Variants in SYDE2 observed in about 807,000 individuals in gnomAD.
The protein encoded by SYDE2 is rho GTPase-activating protein SYDE2.
SYDE2 carries 76 observed loss-of-function variants against 91.5 expected under a neutral mutation model. The observed-to-expected ratio is 0.83, with a 90% CI of 0.69 to 1.01. SYDE2 has a LOEUF of 1.01. Among genes scored for constraint, SYDE2 ranks in the 50% least tolerant of loss-of-function variants. The probability of loss-of-function intolerance (pLI) is 0.00; values close to 1 mark genes in which losing one functional copy is unlikely to be tolerated. For synonymous variants in SYDE2, 513 were observed against 506.4 expected (o/e 1.01, Z -0.18); for missense variants, 1,364 against 1,367.7 (o/e 1.00, Z 0.04).
intron 1 of SYDE2, among the ~76,000 whole-genome samples, chr1:85,194,186 T>C (rs926182554): frequency 2.6e-5 from 4 of 151,536 alleles, no homozygotes; most frequent in Admixed American, 6.6e-5. Flanking sequence ...CTCACTTAAA[T>C]TAAATGGATC....
intron 1 of SYDE2, among the ~76,000 whole-genome samples, chr1:85,195,693 GAATA>G (rs1030395847): frequency 1.4e-4 from 21 of 152,198 alleles, no homozygotes; most frequent in African/African-American, 4.8e-4. Context: ...AAGATGAGCA[GAATA>G]AATAAATACC....
intron 1 of SYDE2, among the ~76,000 whole-genome samples, chr1:85,197,505 T>G (rs1658632759): frequency 6.6e-6 from 1 of 152,182 alleles, no homozygotes; most frequent in African/African-American, 2.4e-5. Context: ...TAAACAAGAA[T>G]GTACTGGTTC....
chr1:85,158,678 G>A lies in SYDE2; in HGVS notation c.*72C>T, dbSNP rs1339621302. 1 of 616,430 alleles carries A rather than the reference G, an allele frequency of 1.6e-6. No individual in the cohort carries two copies. The highest frequency in any genetic ancestry group is 2.9e-6 in the Non-Finnish European group (1 of 344,564). 38.2% of individuals were successfully genotyped at this position (616,430 alleles called of 1,614,324 possible). ...AGAGTAAAAAAATGAAAACATCGCT[G>A]TGGGTGGTATAAGAAAATAAAACAA... is the stretch of plus-strand genomic sequence containing the variant. On this transcript the variant is annotated 3_prime_UTR_variant, in exon 7 of 7. Coordinates refer to ENST00000341460, the MANE Select transcript of SYDE2 (RefSeq NM_032184.2).
chr1:85,176,458 G>A (rs1657702597), intron 4 of SYDE2, among the ~76,000 whole-genome samples: 1 of 152,140 alleles, frequency 6.6e-6, no homozygotes, highest in African/African-American at 2.4e-5. Context: ...AGCACTCAAA[G>A]GGTGGGAAGC....
rs767854992 is a variant in SYDE2 at position 85,190,100 on chromosome 1, A to G, written c.1398T>C (p.Gly466=). 2 of 1,613,772 alleles carry G rather than the reference A, an allele frequency of 1.2e-6. No homozygotes were observed. Among genetic ancestry groups the G allele is most frequent in the East Asian group, 4.5e-5 (2 of 44,886 alleles). ...KQKLGHKTQE[G]IMVEDSPMLK... ...ACATGGGACTGTCCTCCACCATTATACCTTCTTGTGTCTTGTGTCCTAGCT... is the reference window on the plus strand; with the variant it reads ...ACATGGGACTGTCCTCCACCATTATGCCTTCTTGTGTCTTGTGTCCTAGCT... Residue 466 remains glycine (G), a synonymous_variant, in exon 2 of 7, where the codon GGT becomes GGC. Transcript: ENST00000341460.
chr1:85,194,859 C>G (rs1357719058), intron 1 of SYDE2: 2 of 985,160 alleles, frequency 2.0e-6, no homozygotes, highest in Non-Finnish European at 2.4e-6. Flanking sequence ...TTTCAACCCT[C>G]ATTGAAAATC....
chr1:85,169,172 G>A lies in SYDE2; in HGVS notation c.2725C>T (p.Leu909Phe). ...ATTGCATCTAATACAGCCTCATAAA[G>A]CTGCTTTGTTATCAGAGGAGAAGGG... is the stretch of plus-strand genomic sequence containing the variant. ...ELPSPLITKQ[L>F]YEAVLDAMAK... Residue 909 changes from leucine (L) to phenylalanine (F), a missense_variant, in exon 5 of 7, where the codon CTT becomes TTT. Coordinates refer to ENST00000341460, the MANE Select transcript of SYDE2 (RefSeq NM_032184.2). 1 of 1,613,836 alleles carries A rather than the reference G, an allele frequency of 6.2e-7. No individual in the cohort carries two copies. Among genetic ancestry groups the A allele is most frequent in the Non-Finnish European group, 8.5e-7 (1 of 1,179,814 alleles).
chr1:85,200,565 A>T lies in SYDE2; in HGVS notation c.432T>A (p.Pro144=). 1 of 1,603,128 alleles carries T rather than the reference A, an allele frequency of 6.2e-7. No homozygotes were observed. The highest frequency in any genetic ancestry group is 8.5e-7 in the Non-Finnish European group (1 of 1,176,516). Residue 144 remains proline, a synonymous_variant, in exon 1 of 7, where the codon CCT becomes CCA. Transcript: ENST00000341460. The stretch of plus-strand genomic sequence containing the variant: ...AGCAGCCGTGGTCCTTGCAGCCTGG[A>T]GGCTGGAGGCCGGTGGGTGCAGCCG... The part of the protein sequence containing the change: ...ARAAAPTGLQ[P]PGCKDHGCSS...
chr1:85,185,275 T>A (rs1180592300), intron 2 of SYDE2, among the ~76,000 whole-genome samples: 3 of 148,472 alleles, frequency 2.0e-5, no homozygotes, highest in Admixed American at 2.0e-4. Flanking sequence ...ATTATATATT[T>A]ATGAGAAGAA....
chr1:85,178,360 A>G lies in SYDE2; in HGVS notation c.2545-88T>C, dbSNP rs141850921. Reference sequence around the variant, plus strand: ...TAGATCACATGAACTTTGCAATCAAATATGTTCTGATGTCATTTAATTTTA... The same window carrying G: ...TAGATCACATGAACTTTGCAATCAAGTATGTTCTGATGTCATTTAATTTTA... On this transcript the variant is annotated intron_variant, in intron 3 of 6. Coordinates refer to ENST00000341460, the MANE Select transcript of SYDE2 (RefSeq NM_032184.2). The G allele has an allele frequency of 2.7e-4, 315 of 1,184,242 alleles. 2 individuals are homozygous for G. The African/African-American group carries it at 4.1e-3, about 15-fold the overall frequency. 73.4% of individuals were successfully genotyped at this position (1,184,242 alleles called of 1,614,324 possible). A position where few individuals can be genotyped will look rare whatever the true frequency, so the allele number is the denominator to read the frequency against.
chr1:85,169,127 T>A lies in SYDE2; in HGVS notation c.2770A>T (p.Met924Leu), dbSNP rs774443236. 1.9e-6 allele frequency: 3 copies of A among 1,613,762 alleles called. No individual in the cohort carries two copies. In the East Asian group the frequency reaches 6.7e-5, roughly 36 times the overall value. Residue 924 changes from methionine (M) to leucine (L), a missense_variant, in exon 5 of 7, where the codon ATG becomes TTG. Met to Leu is a conservative substitution (Grantham distance 15). Transcript: ENST00000341460. Reference sequence around the variant, plus strand: ...TCATTCTCACAACCATTTGATGACATTTTCAAAGGACTTTTTGCCATTGCA... The same window carrying A: ...TCATTCTCACAACCATTTGATGACAATTTCAAAGGACTTTTTGCCATTGCA... ...LDAMAKSPLK[M>L]SSNGCENDPG...
Position 85,180,886 on chromosome 1 carries a change from C to T in SYDE2, c.2544+1212G>A, listed in dbSNP as rs111239069. On this transcript the variant is annotated intron_variant, in intron 3 of 6. Transcript: ENST00000341460. Reference sequence around the variant, plus strand: ...TTTGTTTAATAATTAGCTTTTAAGTCTGCATAATTTCTGAACTCTACCCTC... The same window carrying T: ...TTTGTTTAATAATTAGCTTTTAAGTTTGCATAATTTCTGAACTCTACCCTC... Among the ~76,000 whole-genome samples, 1,134 of 152,042 alleles carry T rather than the reference C, an allele frequency of 7.5e-3. 4 individuals carry two copies. Among genetic ancestry groups the T allele is most frequent in the Admixed American group, 0.016 (242 of 15,282 alleles).
At chr1:85,194,684 A>G in intron 1 of SYDE2, 3 of 302,838 alleles carry the variant, frequency 9.9e-6, no homozygotes, top group Non-Finnish European at 1.5e-5. Context: ...AGAAATGGCA[A>G]TTAAAAGTTT....
Position 85,182,892 on chromosome 1 carries a change from C to T in SYDE2, c.1750G>A (p.Ala584Thr). The T allele has an allele frequency of 6.2e-7, 1 of 1,613,654 alleles. No homozygotes were observed. Among genetic ancestry groups the T allele is most frequent in the Non-Finnish European group, 8.5e-7 (1 of 1,179,752 alleles). The stretch of plus-strand genomic sequence containing the variant: ...TATCGGCTTATAACATTCCTCTTAG[C>T]AGCGGTGGTTGTGTTCCCAGAGGGC... The part of the protein sequence containing the change: ...ILPSGNTTTA[A>T]KRNVISRYHL... Residue 584 changes from alanine (A) to threonine (T), a missense_variant, in exon 3 of 7, where the codon GCT (alanine) becomes ACT (threonine). Ala to Thr is a moderately conservative substitution (Grantham distance 58). Coordinates refer to ENST00000341460, the MANE Select transcript of SYDE2 (RefSeq NM_032184.2).
chr1:85,200,689 G>A lies in SYDE2; in HGVS notation c.308C>T (p.Pro103Leu). 6.5e-7 allele frequency: 1 copy of A among 1,536,896 alleles called. No homozygotes were observed. Among genetic ancestry groups the A allele is most frequent in the Non-Finnish European group, 8.7e-7 (1 of 1,146,876 alleles). Residue 103 changes from proline to leucine, a missense_variant, in exon 1 of 7, where the codon CCG (proline) becomes CTG (leucine). Physicochemically the swap from Pro to Leu is moderately conservative, Grantham distance 98. Coordinates refer to ENST00000341460, the MANE Select transcript of SYDE2 (RefSeq NM_032184.2). ...GAKPPPFQRW[P>L]SDSWIRCGAH... ...GCCGCACCTGATCCAGCTGTCGCTC[G>A]GCCACCGCTGGAAGGGAGGCGGCTT...
At chr1:85,189,372 A>G (rs112745452) in intron 2 of SYDE2, among the ~76,000 whole-genome samples, 3 of 152,232 alleles carry the variant, frequency 2.0e-5, no homozygotes. Context: ...CCACTGGTAC[A>G]CTAAAAACAA....
Position 85,190,354 on chromosome 1 carries a change from C to G in SYDE2, c.1144G>C (p.Gly382Arg). 6.2e-7 allele frequency: 1 copy of G among 1,613,876 alleles called. No individual in the cohort carries two copies. Among genetic ancestry groups the G allele is most frequent in the South Asian group, 1.1e-5 (1 of 91,074 alleles). The change falls in exon 2 of 7, where the codon GGT becomes CGT. Residue 382 changes from glycine to arginine, a missense_variant. Physicochemically the swap from Gly to Arg is moderately radical, Grantham distance 125. Coordinates refer to ENST00000341460, the MANE Select transcript of SYDE2 (RefSeq NM_032184.2). Reference protein sequence around the residue: ...YNPIPEDDDLGISSALSFGEA... With the variant: ...YNPIPEDDDLRISSALSFGEA... ...CCAAAACTCAAGGCACTTGATATAC[C>G]AAGGTCATCATCCTCAGGAATGGGA... is the stretch of plus-strand genomic sequence containing the variant.
At chr1:85,173,286 A>G (rs543733078) in intron 4 of SYDE2, among the ~76,000 whole-genome samples, 1 of 152,278 alleles carries the variant, frequency 6.6e-6, no homozygotes, top group Non-Finnish European at 1.5e-5. Context: ...ATGCATCTAC[A>G]GGCAAAGAAA....
chr1:85,168,383 G>A (rs959097449), intron 5 of SYDE2, among the ~76,000 whole-genome samples: 1 of 152,128 alleles, frequency 6.6e-6, no homozygotes, highest in African/African-American at 2.4e-5. Flanking sequence ...AAAAAATGTA[G>A]GCAAATTTAG....
Sources: gnomAD v4.1 joint callset for allele counts (sites outside exome capture counted in the v4.1 genomes callset) on GRCh38, gnomAD v4.1.1 for gene constraint, MANE v1.5 for transcripts, NCBI Gene and HGNC (gene_info 2026-07-23, HGNC 2026-07-21) for gene names.